The following CRPPA variants were observed in gnomAD, a reference collection of about 807,000 sequenced individuals.
The protein encoded by CRPPA is CDP-L-ribitol pyrophosphorylase A.
A neutral mutation model predicts 52.0 loss-of-function variants in CRPPA; 43 were observed. The observed-to-expected ratio is 0.83, with a 90% CI of 0.65 to 1.07. The LOEUF (loss-of-function observed/expected upper bound fraction) is 1.07. CRPPA is among the 50% of genes least tolerant of loss of function. The pLI, the probability that CRPPA is intolerant of heterozygous loss-of-function variation, is 0.00. For synonymous variants in CRPPA, 250 were observed against 203.5 expected (o/e 1.23, Z -1.94); for missense variants, 629 against 551.7 (o/e 1.14, Z -1.40).
intron 9 of CRPPA, among the ~76,000 whole-genome samples, chr7:16,164,757 A>C (rs1228828031): frequency 1.3e-5 from 2 of 152,172 alleles, no homozygotes; most frequent in Non-Finnish European, 2.9e-5. Flanking sequence ...TCCTTCTAAC[A>C]GGCCCCTCTT....
At chr7:16,250,269 G>C (rs1334176621) in intron 8 of CRPPA, among the ~76,000 whole-genome samples, 1 of 152,186 alleles carries the variant, frequency 6.6e-6, no homozygotes, top group African/African-American at 2.4e-5. Context: ...GAAAGTGACG[G>C]GGAGAATGAC....
At position 16,302,842 on chromosome 7, in the gene CRPPA, A is replaced by C. The variant is rs536781313; in HGVS notation, c.790-1376T>G. ...TCATCACTACAGGACTGATTTTTTT[A>C]AGTAATTTTTCATTATAGAGTGTTG... On this transcript the variant is annotated intron_variant, in intron 4 of 9. Transcript: ENST00000407010. Among the ~76,000 whole-genome samples the C allele has an allele frequency of 2.6e-5, 4 of 152,270 alleles. No individual in the cohort carries two copies. In the South Asian group the frequency reaches 8.3e-4, roughly 32 times the overall value.
At chr7:16,278,938 T>C (rs1784264191) in intron 5 of CRPPA, among the ~76,000 whole-genome samples, 1 of 152,184 alleles carries the variant, frequency 6.6e-6, no homozygotes, top group Admixed American at 6.5e-5. Context: ...GACCTCTTGT[T>C]ATCATGATAC....
chr7:16,242,734 C>T (rs1783154728), intron 8 of CRPPA, among the ~76,000 whole-genome samples: 1 of 152,098 alleles, frequency 6.6e-6, no homozygotes, highest in Non-Finnish European at 1.5e-5. Context: ...GGGATCTAAA[C>T]TTGTAAAATT....
At chr7:16,281,405 T>C (rs1784318369) in intron 5 of CRPPA, among the ~76,000 whole-genome samples, 1 of 152,228 alleles carries the variant, frequency 6.6e-6, no homozygotes, top group African/African-American at 2.4e-5. Context: ...TACATTTACT[T>C]ATAAACTGAT....
In CRPPA at chr7:16,264,712, T is replaced by A. The variant is rs1783907174; in HGVS notation, c.934-5700A>T. On this transcript the variant is annotated intron_variant, in intron 6 of 9. Transcript: ENST00000407010. ...TCTACCATTCAAACAATGGCACAAG[T>A]GACTTGTAGAGAGATGTATTTTCTT... 2.0e-5 allele frequency among the ~76,000 whole-genome samples: 3 copies of A among 152,334 alleles called. No individual in the cohort carries two copies. The South Asian group carries it at 6.2e-4, about 32-fold the overall frequency.
At chr7:16,115,908 G>A (rs1782361281) in intron 9 of CRPPA, among the ~76,000 whole-genome samples, 1 of 152,026 alleles carries the variant, frequency 6.6e-6, no homozygotes, top group Non-Finnish European at 1.5e-5. Flanking sequence ...AGACATAGAT[G>A]GCACAAAAGG....
chr7:16,286,065 ATAT>A (rs1562608519), intron 5 of CRPPA, among the ~76,000 whole-genome samples: 8 of 35,130 alleles, frequency 2.3e-4, no homozygotes, highest in Admixed American at 3.6e-4. Flanking sequence ...ATATATATAT[ATAT>A]ATATATATAT....
chr7:16,116,356 G>T (rs1782370269), intron 9 of CRPPA, among the ~76,000 whole-genome samples: 1 of 152,092 alleles, frequency 6.6e-6, no homozygotes, highest in Admixed American at 6.6e-5. Context: ...AAAGTACAAA[G>T]TCATGAAAGA....
At chr7:16,172,460 G>A (rs1289360512) in intron 9 of CRPPA, among the ~76,000 whole-genome samples, 2 of 152,198 alleles carry the variant, frequency 1.3e-5, no homozygotes, top group African/African-American at 4.8e-5. Flanking sequence ...TGTAGTTACA[G>A]TCCAATCAGC....
At chr7:16,123,838 T>C (rs1206954152) in intron 9 of CRPPA, among the ~76,000 whole-genome samples, 1 of 152,196 alleles carries the variant, frequency 6.6e-6, no homozygotes, top group African/African-American at 2.4e-5. Context: ...TTTTACAAAA[T>C]AAAATTTCAT....
intron 8 of CRPPA, among the ~76,000 whole-genome samples, chr7:16,229,014 T>C (rs1386656260): frequency 6.6e-6 from 1 of 152,068 alleles, no homozygotes; most frequent in Non-Finnish European, 1.5e-5. Flanking sequence ...CTGTCCTATC[T>C]TCTTACTTGA....
At chr7:16,232,374 C>T (rs1782824193) in intron 8 of CRPPA, among the ~76,000 whole-genome samples, 1 of 152,132 alleles carries the variant, frequency 6.6e-6, no homozygotes, top group Non-Finnish European at 1.5e-5. Flanking sequence ...TTAGTTACTG[C>T]AGAAATGTGT....
intron 2 of CRPPA, among the ~76,000 whole-genome samples, chr7:16,392,650 C>G (rs1469228328): frequency 1.3e-5 from 2 of 152,152 alleles, no homozygotes; most frequent in Non-Finnish European, 2.9e-5. Context: ...ATCTCAGTTA[C>G]TTGATGAATA....
At position 16,417,284 on chromosome 7, in the gene CRPPA, C is replaced by T. The variant is rs1277593893; in HGVS notation, c.257+3782G>A. Among the ~76,000 whole-genome samples the T allele has an allele frequency of 2.6e-5, 4 of 152,216 alleles. No homozygotes were observed. In the East Asian group the frequency reaches 7.7e-4, roughly 29 times the overall value. ...GAACTACCATTCAACCCAGCAATCTCATTAGTGGGTATATATCCAAAAGAA... is the reference window on the plus strand; with the variant it reads ...GAACTACCATTCAACCCAGCAATCTTATTAGTGGGTATATATCCAAAAGAA... On this transcript the variant is annotated intron_variant, in intron 1 of 9. Coordinates refer to ENST00000407010, the MANE Select transcript of CRPPA (RefSeq NM_001101426.4).
At chr7:16,283,562 G>C (rs753963643) in intron 5 of CRPPA, among the ~76,000 whole-genome samples, 6 of 151,130 alleles carry the variant, frequency 4.0e-5, no homozygotes, top group Non-Finnish European at 7.4e-5. Context: ...ATGTGTGTGT[G>C]TGTGTGTTTA....
At chr7:16,281,159 G>A (rs1784313914) in intron 5 of CRPPA, among the ~76,000 whole-genome samples, 1 of 152,100 alleles carries the variant, frequency 6.6e-6, no homozygotes, top group Non-Finnish European at 1.5e-5. Context: ...GTTGAGTTTG[G>A]TATAGAAATG....
intron 3 of CRPPA, among the ~76,000 whole-genome samples, chr7:16,356,791 T>C (rs1234501698): frequency 1.3e-5 from 2 of 152,210 alleles, no homozygotes; most frequent in African/African-American, 4.8e-5. Context: ...CCTTTTCTAT[T>C]GACCTATTTT....
At chr7:16,224,062 A>G (rs1288547683) in intron 8 of CRPPA, among the ~76,000 whole-genome samples, 1 of 152,100 alleles carries the variant, frequency 6.6e-6, no homozygotes, top group African/African-American at 2.4e-5. Context: ...AAGGTAGCAC[A>G]TTTACTCATA....
Sources: allele counts gnomAD v4.1 joint callset (sites outside exome capture counted in the v4.1 genomes callset), GRCh38; gene constraint gnomAD v4.1.1; transcripts MANE v1.5; gene names NCBI Gene and HGNC (gene_info 2026-07-23, HGNC 2026-07-21).